Variants in NF1 observed in about 807,000 individuals in gnomAD.
NF1 encodes the protein neurofibromin 1.
In NF1, 122 loss-of-function variants were observed where a neutral mutation model predicts 325.7. The observed-to-expected ratio is 0.37, with a 90% CI of 0.32 to 0.44. NF1 has a LOEUF of 0.44. Ranked by LOEUF, NF1 falls within the 20% of genes least tolerant of loss-of-function variation. NF1 has a pLI of 1.00. For missense variants in NF1, 2,140 were observed against 3,415.4 expected (o/e 0.63, Z 9.31); for synonymous variants, 1,091 against 1,186.0 (o/e 0.92, Z 1.65).
At position 31,096,422 on chromosome 17, in the gene NF1, A is replaced by C. The variant is rs17883758; in HGVS notation, c.60+1053A>C. Among the ~76,000 whole-genome samples the C allele has an allele frequency of 7.8e-3, 1,195 of 152,314 alleles. 21 individuals carry two copies. Among genetic ancestry groups the C allele is most frequent in the African/African-American group, 0.028 (1,145 of 41,556 alleles). On this transcript the variant is annotated intron_variant, in intron 1 of 57. Coordinates refer to ENST00000358273, the MANE Select transcript of NF1 (RefSeq NM_001042492.3). ...TGACTTTTTATCGCCTGAGTTTCAC[A>C]CAATAAATCCTGGGGCTGATTAGAA...
chr17:31,145,567 C>G (rs1439366132), intron 1 of NF1, among the ~76,000 whole-genome samples: 3 of 152,062 alleles, frequency 2.0e-5, no homozygotes, highest in Non-Finnish European at 4.4e-5. Flanking sequence ...CCCTGAACAC[C>G]TTATCTGATA....
At chr17:31,369,446 A>T (rs1446865074) in intron 57 of NF1, among the ~76,000 whole-genome samples, 1 of 152,156 alleles carries the variant, frequency 6.6e-6, no homozygotes, top group Non-Finnish European at 1.5e-5. Flanking sequence ...TCTGCTCTGC[A>T]TGTTTGTAAT....
Position 31,125,509 on chromosome 17 carries a change from C to A in NF1, c.60+30140C>A, listed in dbSNP as rs543128317. On this transcript the variant is annotated intron_variant, in intron 1 of 57. Coordinates refer to ENST00000358273, the MANE Select transcript of NF1 (RefSeq NM_001042492.3). The stretch of plus-strand genomic sequence containing the variant: ...GTTTGTTTAGCTTTACTAAGTAATG[C>A]CAAATTTTTCTAATTTTTAAAAATT... Among the ~76,000 whole-genome samples, 44 of 151,924 alleles carry A rather than the reference C, an allele frequency of 2.9e-4. 1 individual carries two copies. The South Asian group carries it at 8.3e-3, about 29-fold the overall frequency.
At chr17:31,332,799 A>G (rs1480405432) in intron 39 of NF1, among the ~76,000 whole-genome samples, 3 of 63,738 alleles carry the variant, frequency 4.7e-5, no homozygotes, top group African/African-American at 8.1e-5. Context: ...TCATTGTTCA[A>G]TTCCCACCTA....
At chr17:31,286,689 C>T (rs1215105183) in intron 36 of NF1, among the ~76,000 whole-genome samples, 2 of 152,110 alleles carry the variant, frequency 1.3e-5, no homozygotes, top group Admixed American at 1.3e-4. Context: ...AATAATATAA[C>T]TCATAAATGG....
In NF1 at chr17:31,345,955, A is replaced by C. The variant is rs1278268846; in HGVS notation, c.7189+2820A>C. ...CTGGACTTCAATCCACCTCATGTAC[A>C]TGGTATTGATGACGTCACTGGTGAA... On this transcript the variant is annotated intron_variant, in intron 48 of 57. Coordinates refer to ENST00000358273, the MANE Select transcript of NF1 (RefSeq NM_001042492.3). The C allele has an allele frequency of 2.2e-5, 35 of 1,606,464 alleles. No homozygotes were observed. In the South Asian group the frequency reaches 3.5e-4, roughly 16 times the overall value.
At chr17:31,302,569 C>CGTG (rs1462394091) in intron 36 of NF1, among the ~76,000 whole-genome samples, 17 of 152,070 alleles carry the variant, frequency 1.1e-4, no homozygotes, top group African/African-American at 3.6e-4. Context: ...GGGCCGGGCA[C>CGTG]GGTGGCTCAC....
At chr17:31,302,170 C>T (rs567230738) in intron 36 of NF1, among the ~76,000 whole-genome samples, 2 of 152,194 alleles carry the variant, frequency 1.3e-5, no homozygotes, top group African/African-American at 4.8e-5. Flanking sequence ...CATAAAAACC[C>T]GGCTGCTGCC....
intron 42 of NF1, 117 bp from the exon 43 acceptor site, chr17:31,337,251 A>G (rs1946520905): frequency 2.4e-6 from 2 of 846,126 alleles, no homozygotes; most frequent in African/African-American, 3.4e-5. Context: ...TTTAGGGAAC[A>G]TGATTATGTA....
intron 36 of NF1, among the ~76,000 whole-genome samples, chr17:31,293,299 G>A (rs1035256987): frequency 1.3e-5 from 2 of 148,874 alleles, no homozygotes; most frequent in Non-Finnish European, 3.0e-5. Flanking sequence ...TAAGCAATTA[G>A]TCCCTATCAT....
rs1319687326 is a variant in NF1 at position 31,261,793 on chromosome 17, G to A, written c.4660G>A (p.Val1554Met). ...AYLGPPEHKP[V>M]ADTHWSSLNL... ...CCTGGGTCCTCCAGAGCACAAACCT[G>A]TGGCAGATACACACTGGTCCAGCCT... The change falls in exon 35 of 58, where the codon GTG (valine) becomes ATG (methionine). Residue 1554 changes from valine to methionine, a missense_variant. Coordinates refer to ENST00000358273, the MANE Select transcript of NF1 (RefSeq NM_001042492.3). 6.2e-7 allele frequency: 1 copy of A among 1,612,722 alleles called. No homozygotes were observed. Among genetic ancestry groups the A allele is most frequent in the Non-Finnish European group, 8.5e-7 (1 of 1,179,956 alleles).
At chr17:31,113,347 C>T (rs938086780) in intron 1 of NF1, among the ~76,000 whole-genome samples, 22 of 152,062 alleles carry the variant, frequency 1.4e-4, no homozygotes, top group African/African-American at 4.8e-4. Context: ...CAGCCTTGAA[C>T]TCCTGAGCTG....
At chr17:31,299,062 T>C (rs76342413) in intron 36 of NF1, among the ~76,000 whole-genome samples, 1 of 152,222 alleles carries the variant, frequency 6.6e-6, no homozygotes, top group East Asian at 1.9e-4. Context: ...GCAATAGTAG[T>C]GGCAATGTTT....
At chr17:31,128,120 T>A (rs1445019811) in intron 1 of NF1, among the ~76,000 whole-genome samples, 1 of 151,238 alleles carries the variant, frequency 6.6e-6, no homozygotes, top group Non-Finnish European at 1.5e-5. Flanking sequence ...TTTTGTATTT[T>A]TTTTTTTTTT....
Position 31,141,147 on chromosome 17 carries a change from A to G in NF1, c.61-14836A>G, listed in dbSNP as rs187751402. 4.6e-5 allele frequency among the ~76,000 whole-genome samples: 7 copies of G among 152,256 alleles called. No homozygotes were observed. In the East Asian group the frequency reaches 1.4e-3, roughly 29 times the overall value. On this transcript the variant is annotated intron_variant, in intron 1 of 57. Coordinates refer to ENST00000358273, the MANE Select transcript of NF1 (RefSeq NM_001042492.3). ...TATGATAGATGTTTTCACTGTAGTA[A>G]CCATTTTGCTGTCTATACACATCCC...
chr17:31,097,391 G>A (rs565873456), intron 1 of NF1, among the ~76,000 whole-genome samples: 4 of 151,204 alleles, frequency 2.6e-5, no homozygotes, highest in African/African-American at 9.7e-5. Flanking sequence ...CCGGGAGGTG[G>A]AGGTTGCAGT....
intron 19 of NF1, 84 bp from the exon 20 acceptor site, chr17:31,227,439 C>T: frequency 9.5e-6 from 14 of 1,467,974 alleles, no homozygotes; most frequent in Non-Finnish European, 1.3e-5. Flanking sequence ...ATTTAATATA[C>T]ATCAAGTTTG....
At position 31,201,455 on chromosome 17, in the gene NF1, G is replaced by A. The variant is rs1168457824; in HGVS notation, c.1230G>A (p.Leu410=). The change falls in exon 11 of 58, where the codon CTG becomes CTA. Residue 410 remains leucine, a synonymous_variant. Coordinates refer to ENST00000358273, the MANE Select transcript of NF1 (RefSeq NM_001042492.3). ...QNSPSTFHYV[L]VNSLHRIITN... is the part of the protein sequence containing the mutation. The stretch of plus-strand genomic sequence containing the variant: ...CACCTTCTACATTTCACTATGTGCT[G>A]GTAAATTCACTCCATCGAATCATCA... 3 of 1,611,432 alleles carry A rather than the reference G, an allele frequency of 1.9e-6. No homozygotes were observed. The highest frequency in any genetic ancestry group is 1.7e-6 in the Non-Finnish European group (2 of 1,178,996).
chr17:31,304,881 TG>T (rs1320029511), intron 36 of NF1: 1 of 1,614,052 alleles, frequency 6.2e-7, no homozygotes, highest in South Asian at 1.1e-5. Flanking sequence ...CATCAGCAAA[TG>T]GAGATCTACC....
Sources: allele counts gnomAD v4.1 joint callset (sites outside exome capture counted in the v4.1 genomes callset), GRCh38; gene constraint gnomAD v4.1.1; transcripts MANE v1.5; gene names NCBI Gene and HGNC (gene_info 2026-07-23, HGNC 2026-07-21).